Variants in IGF1R observed in about 807,000 individuals in gnomAD.
IGF1R encodes insulin like growth factor 1 receptor.
IGF1R carries 44 observed loss-of-function variants against 144.6 expected under a neutral mutation model. The ratio of observed to expected loss-of-function variants is 0.30; its 90% CI spans 0.24 to 0.39. The LOEUF is 0.39. Ranked by LOEUF, IGF1R falls within the 10% of genes least tolerant of loss-of-function variation. The probability of loss-of-function intolerance (pLI) is 1.00; values close to 1 mark genes in which losing one functional copy is unlikely to be tolerated. For synonymous variants in IGF1R, 795 were observed against 722.8 expected, an observed-to-expected ratio of 1.10 and a Z score of -1.60; for missense variants, 1,355 against 1,833.7, an observed-to-expected ratio of 0.74 and a Z score of 4.77.
chr15:98,674,830 A>T (rs1298924769), intron 1 of IGF1R, among the ~76,000 whole-genome samples: 2 of 152,064 alleles, frequency 1.3e-5, no homozygotes, highest in East Asian at 1.9e-4. Flanking sequence ...CTATATATTT[A>T]AAAAAATGAA....
intron 2 of IGF1R, among the ~76,000 whole-genome samples, chr15:98,721,494 T>A (rs1296709137): frequency 6.6e-6 from 1 of 152,122 alleles, no homozygotes; most frequent in Non-Finnish European, 1.5e-5. Context: ...TCCTCATAGT[T>A]CTCTTGGGGG....
At position 98,800,091 on chromosome 15, in the gene IGF1R, C is replaced by T. The variant is rs923586144; in HGVS notation, c.641-91234C>T. ...GAGTCTAAAAAGTTTGGTAGCCTCTCGTTTCTCATGGTGATTTCTGAGATT... is the reference window on the plus strand; with the variant it reads ...GAGTCTAAAAAGTTTGGTAGCCTCTTGTTTCTCATGGTGATTTCTGAGATT... On this transcript the variant is annotated intron_variant, in intron 2 of 20. Coordinates refer to ENST00000650285, the MANE Select transcript of IGF1R (RefSeq NM_000875.5). Among the ~76,000 whole-genome samples, 22 of 152,248 alleles carry T rather than the reference C, an allele frequency of 1.4e-4. 1 individual carries two copies. Among genetic ancestry groups the T allele is most frequent in the Non-Finnish European group, 2.6e-4 (18 of 68,020 alleles).
At chr15:98,782,774 T>C (rs2055889303) in intron 2 of IGF1R, among the ~76,000 whole-genome samples, 1 of 152,254 alleles carries the variant, frequency 6.6e-6, no homozygotes, top group Non-Finnish European at 1.5e-5. Context: ...AGTTGCTCAA[T>C]AATAGACTTA....
At chr15:98,946,198 C>T (rs1246820287) in intron 19 of IGF1R, among the ~76,000 whole-genome samples, 5 of 43,214 alleles carry the variant, frequency 1.2e-4, no homozygotes, top group East Asian at 5.5e-4. Flanking sequence ...GGAAGCGGGG[C>T]GGGGCGGGGC....
intron 20 of IGF1R, among the ~76,000 whole-genome samples, chr15:98,954,832 G>A (rs1314430334): frequency 6.6e-6 from 1 of 152,142 alleles, no homozygotes; most frequent in Non-Finnish European, 1.5e-5. Context: ...GGAAAGGCAG[G>A]CTTATTTGTC....
rs1202926480 is a variant in IGF1R, at chr15:98,961,075, G to A, written c.*3633G>A. On this transcript the variant is annotated 3_prime_UTR_variant, in exon 21 of 21. Coordinates refer to ENST00000650285, the MANE Select transcript of IGF1R (RefSeq NM_000875.5). ...TGGCTCCTCGGCAATTCCAGCCTAA[G>A]TGAAGGCGCTCAGGAGCCTCCTGCT... is the stretch of plus-strand genomic sequence containing the variant. 1.7e-5 allele frequency: 4 copies of A among 233,480 alleles called. No individual in the cohort carries two copies. The Admixed American group carries it at 2.3e-4, about 13-fold the overall frequency. 14.5% of individuals were successfully genotyped at this position (233,480 alleles called of 1,614,324 possible).
intron 2 of IGF1R, among the ~76,000 whole-genome samples, chr15:98,806,948 GTCAGGAGTT>G (rs1183567593): frequency 6.6e-6 from 1 of 152,108 alleles, no homozygotes; most frequent in African/African-American, 2.4e-5. Context: ...ATCACTTGAG[GTCAGGAGTT>G]CAAGACCAAC....
chr15:98,754,520 T>C (rs2055100141), intron 2 of IGF1R, among the ~76,000 whole-genome samples: 1 of 152,206 alleles, frequency 6.6e-6, no homozygotes, highest in South Asian at 2.1e-4. Context: ...ACCAGCGTTT[T>C]CAGCTCACCT....
chr15:98,899,376 G>T, intron 4 of IGF1R, 101 bp from the exon 5 acceptor site: 1 of 1,196,484 alleles, frequency 8.4e-7, no homozygotes, highest in South Asian at 1.2e-5. Flanking sequence ...ATCTCAGGGG[G>T]CACCTGCCGT....
chr15:98,956,455 A>G (rs2016988925), intron 20 of IGF1R, among the ~76,000 whole-genome samples: 1 of 152,190 alleles, frequency 6.6e-6, no homozygotes, highest in Non-Finnish European at 1.5e-5. Flanking sequence ...AGCACGTGCT[A>G]GATGGAGACA....
intron 3 of IGF1R, 75 bp from the exon 4 acceptor site, chr15:98,896,682 T>C: frequency 9.1e-6 from 13 of 1,434,240 alleles, no homozygotes; most frequent in Non-Finnish European, 1.3e-5. Context: ...GAAAAGCATA[T>C]CCTTATGGTT....
intron 1 of IGF1R, among the ~76,000 whole-genome samples, chr15:98,669,432 G>A (rs1567066689): frequency 6.6e-6 from 1 of 152,120 alleles, no homozygotes; most frequent in African/African-American, 2.4e-5. Flanking sequence ...TGCCACCCTG[G>A]GCTTTGAATT....
intron 2 of IGF1R, among the ~76,000 whole-genome samples, chr15:98,866,005 C>G (rs990789061): frequency 6.6e-6 from 1 of 152,192 alleles, no homozygotes; most frequent in Non-Finnish European, 1.5e-5. Flanking sequence ...ACAACTTGCC[C>G]GTCACCCGGA....
At chr15:98,893,809 C>T (rs1022047104) in intron 3 of IGF1R, among the ~76,000 whole-genome samples, 3 of 152,094 alleles carry the variant, frequency 2.0e-5, no homozygotes, top group South Asian at 2.1e-4. Flanking sequence ...TCTTACAGTC[C>T]GTTAAAAACT....
chr15:98,666,023 T>A (rs1228519019), intron 1 of IGF1R, among the ~76,000 whole-genome samples: 1 of 152,228 alleles, frequency 6.6e-6, no homozygotes, highest in Non-Finnish European at 1.5e-5. Flanking sequence ...GTAAGGATAC[T>A]ACTGTTTGCT....
At chr15:98,771,135 G>A (rs11635688) in intron 2 of IGF1R, among the ~76,000 whole-genome samples, 26,976 of 152,090 alleles carry the variant, frequency 0.18, 2,617 homozygotes, top group South Asian at 0.31. Flanking sequence ...CACGGAGGGG[G>A]AGTCAGTTGT....
intron 1 of IGF1R, among the ~76,000 whole-genome samples, chr15:98,661,966 T>C (rs1174423466): frequency 7.2e-6 from 1 of 139,420 alleles, no homozygotes; most frequent in Non-Finnish European, 1.5e-5. Flanking sequence ...CTTTTTTTTT[T>C]TTTTTTTTTT....
chr15:98,916,832 C>T lies in IGF1R; in HGVS notation c.2157C>T (p.Arg719=). ...CCGAGAAGGAGGAGGCTGAATACCG[C>T]AAAGTCTTTGAGAATTTCCTGCACA... ...KQAEKEEAEY[R]KVFENFLHNS... Residue 719 remains arginine, a synonymous_variant, in exon 10 of 21, where the codon CGC becomes CGT. Transcript: ENST00000650285. 6.2e-7 allele frequency: 1 copy of T among 1,614,096 alleles called. No individual in the cohort carries two copies. Among genetic ancestry groups the T allele is most frequent in the South Asian group, 1.1e-5 (1 of 91,074 alleles).
chr15:98,807,001 A>G (rs192269638), intron 2 of IGF1R, among the ~76,000 whole-genome samples: 2 of 152,286 alleles, frequency 1.3e-5, no homozygotes, highest in East Asian at 3.9e-4. Context: ...TCTCAAAAGA[A>G]AAAAAAGAAA....
Sources: allele counts gnomAD v4.1 joint callset (sites outside exome capture counted in the v4.1 genomes callset), GRCh38; gene constraint gnomAD v4.1.1; transcripts MANE v1.5; gene names NCBI Gene and HGNC (gene_info 2026-07-23, HGNC 2026-07-21).